MTIF2: variants seen among roughly 807,000 people sequenced by gnomAD.
The protein encoded by MTIF2 is mitochondrial translational initiation factor 2.
Under a neutral mutation model 83.5 loss-of-function variants are expected in MTIF2, and 71 were observed. That is an observed-to-expected ratio of 0.85 (90% CI 0.70 to 1.04). The LOEUF (loss-of-function observed/expected upper bound fraction) is 1.04. MTIF2 is among the 50% of genes least tolerant of loss of function. The probability of loss-of-function intolerance (pLI) is 0.00; values close to 1 mark genes in which losing one functional copy is unlikely to be tolerated. For missense variants in MTIF2, 957 were observed against 846.5 expected (o/e 1.13, Z -1.62); for synonymous variants, 319 against 287.1 (o/e 1.11, Z -1.12).
Position 55,236,618 on chromosome 2 carries a change from CGTTGA to C in MTIF2, c.*25_*29del, listed in dbSNP as rs1043586886. 8 of 1,551,888 alleles carry C rather than the reference CGTTGA, an allele frequency of 5.2e-6. No individual in the cohort carries two copies. The African/African-American group carries it at 5.5e-5, about 11-fold the overall frequency. On this transcript the variant is annotated 3_prime_UTR_variant, in exon 16 of 16. Transcript: ENST00000263629. ...CATTTCTACCTTCAAACAAACAACA[CGTTGA>C]GTTATTTACATTTTTAATGTAATTT...
intron 13 of MTIF2, 74 bp downstream of exon 13, chr2:55,242,866 C>T: frequency 2.0e-6 from 3 of 1,471,046 alleles, no homozygotes; most frequent in Non-Finnish European, 1.8e-6. Context: ...ACAAGCCAAG[C>T]AACAAAAGAC....
chr2:55,240,561 T>TA (rs1247691067), intron 13 of MTIF2, among the ~76,000 whole-genome samples: 3 of 151,886 alleles, frequency 2.0e-5, no homozygotes, highest in African/African-American at 7.3e-5. Context: ...CCTGGGCAAA[T>TA]AGAGCAAAAC....
In MTIF2 at chr2:55,254,671, AT is replaced by A; in HGVS notation, c.485del (p.Asn162IlefsTer5). 2 of 1,601,036 alleles carry A rather than the reference AT, an allele frequency of 1.2e-6. No individual in the cohort carries two copies. The highest frequency in any genetic ancestry group is 2.2e-5 in the South Asian group (2 of 89,010). ...AGTTTTACCTTCTTACAGCATCTTT[AT>A]TTTTTCTGACTTTGTCCTGTTTTAA... ...SKLKQDKVRK[N>X]KDAVRRPQAD... On this transcript the variant is annotated frameshift_variant, in exon 6 of 16. Coordinates refer to ENST00000263629, the MANE Select transcript of MTIF2 (RefSeq NM_002453.3). LOFTEE classifies it high-confidence loss of function.
intron 13 of MTIF2, among the ~76,000 whole-genome samples, chr2:55,242,555 G>C (rs1475322255): frequency 6.6e-6 from 1 of 152,114 alleles, no homozygotes; most frequent in Non-Finnish European, 1.5e-5. Flanking sequence ...AAAAGATGAA[G>C]GAAAGAACTG....
Position 55,262,547 on chromosome 2 carries a change from T to C in MTIF2, c.220-120A>G, listed in dbSNP as rs1050819275. On this transcript the variant is annotated intron_variant, in intron 4 of 15. Coordinates refer to ENST00000263629, the MANE Select transcript of MTIF2 (RefSeq NM_002453.3). Reference sequence around the variant, plus strand: ...CATTTCTTTCTTTTTTTTTCTTTTTTTTTTTTTTTTTTTGAGACAGACTCT... The same window carrying C: ...CATTTCTTTCTTTTTTTTTCTTTTTCTTTTTTTTTTTTTGAGACAGACTCT... The C allele has an allele frequency of 3.3e-4, 201 of 617,532 alleles. 1 individual carries two copies. The highest frequency in any genetic ancestry group is 3.4e-4 in the African/African-American group (17 of 49,528). The allele number at this position is 617,532 out of a possible 1,614,324, so 38.3% of individuals were successfully genotyped here. A position where few individuals can be genotyped will look rare whatever the true frequency, so the allele number is the denominator to read the frequency against.
intron 3 of MTIF2, among the ~76,000 whole-genome samples, chr2:55,265,504 G>A (rs1678364337): frequency 1.3e-5 from 2 of 151,422 alleles, no homozygotes; most frequent in Admixed American, 6.6e-5. Flanking sequence ...TCTATAAATT[G>A]TAAAGTCATT....
rs112864607 is a variant in MTIF2, at chr2:55,253,489, G to C, written c.664+552C>G. ...AGGTCAAGGGTTCGACACCAGCCTG[G>C]CCAACATGGCAAAACCCCGTCTCTA... On this transcript the variant is annotated intron_variant, in intron 7 of 15. Transcript: ENST00000263629. Among the ~76,000 whole-genome samples the C allele has an allele frequency of 3.6e-3, 541 of 151,894 alleles. 4 individuals carry two copies. Among genetic ancestry groups the C allele is most frequent in the African/African-American group, 0.012 (511 of 41,420 alleles).
Position 55,244,401 on chromosome 2 carries a change from G to A in MTIF2, c.1107-168C>T, listed in dbSNP as rs561688873. Among the ~76,000 whole-genome samples the A allele has an allele frequency of 2.0e-4, 30 of 152,308 alleles. No individual in the cohort carries two copies. In the South Asian group the frequency reaches 6.2e-3, roughly 32 times the overall value. On this transcript the variant is annotated intron_variant, in intron 10 of 15. Coordinates refer to ENST00000263629, the MANE Select transcript of MTIF2 (RefSeq NM_002453.3). ...CTATAAAAACATTTCAAAGCTGGGTGCAGTGGCACATCTGCAATCCCAGCT... is the reference window on the plus strand; with the variant it reads ...CTATAAAAACATTTCAAAGCTGGGTACAGTGGCACATCTGCAATCCCAGCT...
intron 15 of MTIF2, 118 bp from the exon 16 acceptor site, chr2:55,236,938 TGTCAA>T (rs765204688): frequency 2.9e-4 from 255 of 888,736 alleles, no homozygotes; most frequent in Non-Finnish European, 3.8e-4. Context: ...TTTATGGTCT[TGTCAA>T]GTTAAATGAT....
At chr2:55,255,768 G>C (rs973028268) in intron 5 of MTIF2, among the ~76,000 whole-genome samples, 2 of 152,060 alleles carry the variant, frequency 1.3e-5, no homozygotes, top group African/African-American at 4.8e-5. Flanking sequence ...AGCTGAAACA[G>C]TGTCACCTCA....
intron 10 of MTIF2, 45 bp from the exon 11 acceptor site, chr2:55,244,278 T>C: frequency 2.2e-6 from 3 of 1,357,732 alleles, no homozygotes; most frequent in Non-Finnish European, 3.1e-6. Flanking sequence ...TAATGTACTT[T>C]AAGTAGAGCA....
At chr2:55,269,088 C>T (rs1378136940) in intron 1 of MTIF2, 81 bp downstream of exon 1, 1 of 152,268 alleles carries the variant, frequency 6.6e-6, no homozygotes, top group Non-Finnish European at 1.5e-5. Context: ...TGATTTGTGC[C>T]ACTGACACGT....
chr2:55,267,234 A>G (rs1421025633), intron 3 of MTIF2, among the ~76,000 whole-genome samples: 4 of 151,788 alleles, frequency 2.6e-5, no homozygotes, highest in African/African-American at 9.7e-5. Flanking sequence ...TTGGCTCACT[A>G]CAACCTCCAC....
Position 55,252,457 on chromosome 2 carries a change from T to C in MTIF2, c.841+20A>G. On this transcript the variant is annotated intron_variant, in intron 8 of 15. Transcript: ENST00000263629. ...ACTTTGACTTTATGTAGTAGATCCA[T>C]TAAGTCAGCCACACAGTACCCTGTG... 6.2e-7 allele frequency: 1 copy of C among 1,607,298 alleles called. No homozygotes were observed. The highest frequency in any genetic ancestry group is 1.1e-5 in the South Asian group (1 of 90,516).
At chr2:55,238,809 C>T (rs570496700) in intron 14 of MTIF2, among the ~76,000 whole-genome samples, 1 of 152,268 alleles carries the variant, frequency 6.6e-6, no homozygotes, top group Admixed American at 6.5e-5. Flanking sequence ...TGTTATCTGA[C>T]TGGTGTCTTT....
intron 14 of MTIF2, among the ~76,000 whole-genome samples, chr2:55,239,320 C>CAT (rs1676128209): frequency 6.6e-6 from 1 of 152,124 alleles, no homozygotes; most frequent in South Asian, 2.1e-4. Context: ...CACTATATCT[C>CAT]AAACATTTTC....
intron 13 of MTIF2, 110 bp downstream of exon 13, chr2:55,242,830 G>A (rs1317837436): frequency 8.2e-6 from 9 of 1,102,000 alleles, no homozygotes; most frequent in Middle Eastern, 3.1e-4. Flanking sequence ...GAAGGGTGAT[G>A]CTGATAGCAG....
intron 5 of MTIF2, among the ~76,000 whole-genome samples, chr2:55,259,494 G>A (rs1277977571): frequency 1.5e-5 from 1 of 67,898 alleles, no homozygotes; most frequent in African/African-American, 6.4e-5. Context: ...TAGGGGTAGG[G>A]GGTAATGTTT....
At chr2:55,264,192 G>A (rs969681454) in intron 3 of MTIF2, among the ~76,000 whole-genome samples, 2 of 152,146 alleles carry the variant, frequency 1.3e-5, no homozygotes, top group African/African-American at 4.8e-5. Flanking sequence ...TTTCTAAAGT[G>A]CGAATTCCAA....
Sources: allele counts gnomAD v4.1 joint callset (sites outside exome capture counted in the v4.1 genomes callset), GRCh38; gene constraint gnomAD v4.1.1; transcripts MANE v1.5; gene names NCBI Gene and HGNC (gene_info 2026-07-23, HGNC 2026-07-21).